The following DMD variants were observed in gnomAD, a reference collection of about 807,000 sequenced individuals.
DMD encodes the protein mutant dystrophin.
DMD carries 63 observed loss-of-function variants against 330.1 expected under a neutral mutation model. The ratio of observed to expected loss-of-function variants is 0.19; its 90% CI spans 0.16 to 0.24. DMD has a LOEUF of 0.24. Ranked by LOEUF, DMD falls within the 10% of genes least tolerant of loss-of-function variation. The pLI, the probability that DMD is intolerant of heterozygous loss-of-function variation, is 1.00. For synonymous variants in DMD, 1,223 were observed against 959.8 expected (o/e 1.27, Z -5.07); for missense variants, 3,344 against 2,684.1 (o/e 1.25, Z -5.43).
chrX:31,950,143 T>C (rs1320494962), intron 45 of DMD, among the ~76,000 whole-genome samples: 1 of 111,393 alleles, frequency 9.0e-6, no homozygotes, highest in African/African-American at 3.2e-5. Flanking sequence ...AACTAGAAGT[T>C]TCCCTGTAAG....
chrX:31,736,252 G>A (rs2149049721), intron 51 of DMD, among the ~76,000 whole-genome samples: 1 of 111,999 alleles, frequency 8.9e-6, no homozygotes, highest in Admixed American at 9.5e-5. Context: ...GCTAAAAAAT[G>A]TATTTTGGGG....
intron 67 of DMD, among the ~76,000 whole-genome samples, chrX:31,197,616 A>C (rs1415872057): frequency 1.8e-5 from 2 of 112,027 alleles, no homozygotes; most frequent in East Asian, 5.5e-4. Flanking sequence ...TAAGTACAAC[A>C]GGAGGCAGAA....
intron 52 of DMD, among the ~76,000 whole-genome samples, chrX:31,681,517 A>C (rs2082381008): frequency 8.9e-6 from 1 of 111,934 alleles, no homozygotes; most frequent in Admixed American, 9.5e-5. Context: ...TAGGAGAATA[A>C]ATATCTTGAC....
chrX:31,882,625 G>C (rs908401316), intron 47 of DMD, among the ~76,000 whole-genome samples: 2 of 111,869 alleles, frequency 1.8e-5, no homozygotes, highest in South Asian at 3.7e-4. Context: ...GCAATGCATA[G>C]ATCTGACAAA....
At chrX:31,851,754 GA>G (rs2093530463) in intron 48 of DMD, among the ~76,000 whole-genome samples, 1 of 111,917 alleles carries the variant, frequency 8.9e-6, no homozygotes, top group African/African-American at 3.3e-5. Flanking sequence ...TTTGGAGAGT[GA>G]AAAGTGCTAA....
intron 44 of DMD, among the ~76,000 whole-genome samples, chrX:32,024,627 C>T (rs2095834074): frequency 9.0e-6 from 1 of 111,161 alleles, no homozygotes; most frequent in Admixed American, 9.5e-5. Flanking sequence ...GGCAGTATGA[C>T]CTTGGGCAAG....
chrX:31,367,112 A>T (rs527881514), intron 60 of DMD, among the ~76,000 whole-genome samples: 3 of 111,415 alleles, frequency 2.7e-5, no homozygotes, highest in African/African-American at 9.8e-5. Flanking sequence ...CACTATCATC[A>T]GTACAGTTGG....
At chrX:32,985,234 A>G (rs925256730) in intron 2 of DMD, among the ~76,000 whole-genome samples, 7 of 110,967 alleles carry the variant, frequency 6.3e-5, no homozygotes, top group Middle Eastern at 4.6e-3. Context: ...GCACAGCTAT[A>G]GAATATAGAT....
chrX:33,199,150 A>G (rs2051125508), intron 1 of DMD, among the ~76,000 whole-genome samples: 1 of 111,465 alleles, frequency 9.0e-6, no homozygotes, highest in Non-Finnish European at 1.9e-5. Flanking sequence ...AAGTGGTGGT[A>G]TCTTCGAATT....
chrX:31,796,334 C>T (rs750169320), intron 50 of DMD, among the ~76,000 whole-genome samples: 6 of 112,134 alleles, frequency 5.4e-5, no homozygotes, highest in Non-Finnish European at 7.5e-5. Context: ...GGTAATTTAT[C>T]GTGGGGCTTA....
chrX:32,511,135 A>G (rs1368167083), intron 18 of DMD, among the ~76,000 whole-genome samples: 5 of 110,174 alleles, frequency 4.5e-5, no homozygotes, highest in Admixed American at 1.9e-4. Flanking sequence ...GACTAATATT[A>G]CCATATTAGT....
intron 60 of DMD, among the ~76,000 whole-genome samples, chrX:31,389,997 T>C (rs2060620252): frequency 8.9e-6 from 1 of 111,882 alleles, no homozygotes; most frequent in African/African-American, 3.2e-5. Context: ...CCCTATCTCA[T>C]TGCTTCATAT....
Position 31,801,589 on chromosome X carries a change from CCCA to C in DMD, c.7309+18383_7309+18385del, listed in dbSNP as rs202066560. On this transcript the variant is annotated intron_variant, in intron 50 of 78. Coordinates refer to ENST00000357033, the MANE Select transcript of DMD (RefSeq NM_004006.3). Reference sequence around the variant, plus strand: ...ATCTTAAGTGTCCTCATCCCCCCCCCCCAACACACACACAATAGTAACTATTTC... The same window carrying C: ...ATCTTAAGTGTCCTCATCCCCCCCCCACACACACACAATAGTAACTATTTC... Among the ~76,000 whole-genome samples, 170 of 78,850 alleles carry C rather than the reference CCCA, an allele frequency of 2.2e-3. 3 individuals carry two copies. Among genetic ancestry groups the C allele is most frequent in the African/African-American group, 6.7e-3 (152 of 22,622 alleles). 68.5% of individuals were successfully genotyped at this position (78,850 alleles called of 115,157 possible). A position where few individuals can be genotyped will look rare whatever the true frequency, so the allele number is the denominator to read the frequency against.
At position 32,027,223 on chromosome X, in the gene DMD, G is replaced by GGA. The variant is rs768325497; in HGVS notation, c.6439-58711_6439-58710dup. ...AGAGAGAGAAGCGGGGGAAGGCTGG[G>GGA]GAGAGAGAGAGAGAGAGACTTTCAT... On this transcript the variant is annotated intron_variant, in intron 44 of 78. Coordinates refer to ENST00000357033, the MANE Select transcript of DMD (RefSeq NM_004006.3). 1.0e-4 allele frequency among the ~76,000 whole-genome samples: 11 copies of GGA among 105,965 alleles called. No individual in the cohort carries two copies. In the East Asian group the frequency reaches 1.2e-3, roughly 12 times the overall value. 92.0% of individuals were successfully genotyped at this position (105,965 alleles called of 115,157 possible).
At chrX:31,189,684 T>A (rs958728137) in intron 67 of DMD, among the ~76,000 whole-genome samples, 3 of 111,981 alleles carry the variant, frequency 2.7e-5, no homozygotes, top group Non-Finnish European at 5.6e-5. Context: ...ACTTCTGGAG[T>A]CTCTGTTAAA....
At chrX:31,983,035 A>T (rs1398291640) in intron 44 of DMD, among the ~76,000 whole-genome samples, 1 of 108,494 alleles carries the variant, frequency 9.2e-6, no homozygotes, top group African/African-American at 3.3e-5. Flanking sequence ...CTAGGGAGAA[A>T]TGTTGTTAAA....
chrX:31,161,550 T>C (rs1012605595), intron 74 of DMD, among the ~76,000 whole-genome samples: 21 of 111,365 alleles, frequency 1.9e-4, no homozygotes, highest in African/African-American at 6.9e-4. Context: ...TGTTTTTCAA[T>C]GATCATTTCC....
At chrX:32,458,434 A>C (rs1299370699) in intron 25 of DMD, among the ~76,000 whole-genome samples, 1 of 111,456 alleles carries the variant, frequency 9.0e-6, no homozygotes, top group Non-Finnish European at 1.9e-5. Context: ...TGGCTATTGT[A>C]AATATTGCTG....
chrX:31,340,325 T>C (rs771619757), intron 61 of DMD, among the ~76,000 whole-genome samples: 1 of 112,608 alleles, frequency 8.9e-6, no homozygotes, highest in Admixed American at 9.4e-5. Context: ...GAAATTTGTC[T>C]TTCAGAGTCC....
Sources: gnomAD v4.1 joint callset for allele counts (sites outside exome capture counted in the v4.1 genomes callset) on GRCh38, gnomAD v4.1.1 for gene constraint, MANE v1.5 for transcripts, NCBI Gene and HGNC (gene_info 2026-07-23, HGNC 2026-07-21) for gene names.